LAMA4: variants seen among roughly 807,000 people sequenced by gnomAD.
LAMA4 encodes laminin subunit alpha-4.
Under a neutral mutation model 207.1 loss-of-function variants are expected in LAMA4, and 127 were observed. The observed-to-expected ratio is 0.61, with a 90% CI of 0.53 to 0.71. The LOEUF (loss-of-function observed/expected upper bound fraction) is 0.71. LAMA4 is among the 30% of genes least tolerant of loss of function. LAMA4 has a pLI of 0.00. For synonymous variants in LAMA4, 761 were observed against 816.0 expected (o/e 0.93, Z 1.15); for missense variants, 2,093 against 2,246.5 (o/e 0.93, Z 1.38).
intron 17 of LAMA4, among the ~76,000 whole-genome samples, chr6:112,150,169 C>G (rs1554335426): frequency 6.7e-6 from 1 of 149,414 alleles, no homozygotes; most frequent in East Asian, 2.0e-4. Flanking sequence ...AAAGCCATTA[C>G]CAAACACTAT....
chr6:112,181,059 T>C (rs1377258440), intron 9 of LAMA4, among the ~76,000 whole-genome samples: 1 of 152,198 alleles, frequency 6.6e-6, no homozygotes, highest in Admixed American at 6.5e-5. Context: ...CTTTGCCATT[T>C]CTCACCTCCA....
intron 2 of LAMA4, among the ~76,000 whole-genome samples, chr6:112,228,700 C>T (rs1424312844): frequency 6.6e-6 from 1 of 152,220 alleles, no homozygotes; most frequent in Non-Finnish European, 1.5e-5. Context: ...GAGCTGCCAT[C>T]TTGGGAGTCA....
At chr6:112,188,327 G>A (rs1162474459) in intron 7 of LAMA4, among the ~76,000 whole-genome samples, 2 of 152,178 alleles carry the variant, frequency 1.3e-5, no homozygotes, top group African/African-American at 4.8e-5. Context: ...TTCAGGCTTG[G>A]TGGGGGAGAT....
At chr6:112,151,055 G>A (rs912918762) in intron 16 of LAMA4, among the ~76,000 whole-genome samples, 1 of 150,074 alleles carries the variant, frequency 6.7e-6, no homozygotes, top group Non-Finnish European at 1.5e-5. Context: ...CTAGAAAAAG[G>A]CACCCTTTAT....
At chr6:112,115,717 C>A in intron 36 of LAMA4, 146 bp downstream of exon 36, 1 of 882,200 alleles carries the variant, frequency 1.1e-6, no homozygotes, top group South Asian at 1.4e-5. Flanking sequence ...CCAAATATTG[C>A]CCACATTTAC....
chr6:112,158,697 T>C (rs1780873060), intron 14 of LAMA4, 35 bp downstream of exon 14: 4 of 1,572,348 alleles, frequency 2.5e-6, no homozygotes, highest in African/African-American at 2.7e-5. Flanking sequence ...ATTCACCCCA[T>C]GTAGATATTT....
chr6:112,150,790 TA>T (rs1780353568), intron 16 of LAMA4, among the ~76,000 whole-genome samples, 163 bp from the exon 17 acceptor site: 1 of 152,240 alleles, frequency 6.6e-6, no homozygotes, highest in Non-Finnish European at 1.5e-5. Context: ...AAGTAGCATT[TA>T]AAATTCGAGG....
chr6:112,126,603 A>G (rs782142261), intron 31 of LAMA4, among the ~76,000 whole-genome samples: 2 of 152,238 alleles, frequency 1.3e-5, no homozygotes, highest in Non-Finnish European at 2.9e-5. Flanking sequence ...AGTAGTCCAC[A>G]TATGCTCAAA....
Position 112,217,337 on chromosome 6 carries a change from G to A in LAMA4, c.196-868C>T, listed in dbSNP as rs62413992. On this transcript the variant is annotated intron_variant, in intron 2 of 38. Transcript: ENST00000230538. ...TGGAATGTCTCAGTGATGAAGGGCA[G>A]AAATGGCATTATGGGCCTGGAAATC... is the stretch of plus-strand genomic sequence containing the variant. Among the ~76,000 whole-genome samples the A allele has an allele frequency of 9.2e-3, 1,396 of 152,296 alleles. 13 individuals are homozygous for A. Among genetic ancestry groups the A allele is most frequent in the Middle Eastern group, 0.017 (5 of 294 alleles).
At chr6:112,122,887 G>A (rs1159037069) in intron 31 of LAMA4, among the ~76,000 whole-genome samples, 3 of 152,298 alleles carry the variant, frequency 2.0e-5, no homozygotes, top group Non-Finnish European at 2.9e-5. Flanking sequence ...TCAAGCAAAT[G>A]TTTAGTGACT....
intron 19 of LAMA4, among the ~76,000 whole-genome samples, chr6:112,143,434 G>C (rs539614677): frequency 6.6e-6 from 1 of 151,950 alleles, no homozygotes; most frequent in Admixed American, 6.6e-5. Flanking sequence ...ACAGGTGTGC[G>C]CCACCACGCC....
chr6:112,139,995 G>C (rs1404085852), intron 22 of LAMA4, 110 bp from the exon 23 acceptor site: 4 of 1,081,718 alleles, frequency 3.7e-6, no homozygotes, highest in Non-Finnish European at 5.7e-6. Flanking sequence ...CCCCTTTGTG[G>C]AAATATCTTT....
At chr6:112,187,366 CA>C in intron 8 of LAMA4, 83 bp downstream of exon 8, 9 of 1,508,966 alleles carry the variant, frequency 6.0e-6, no homozygotes, top group Non-Finnish European at 8.3e-6. Context: ...GACTCAGATA[CA>C]AAAAGGGGTA....
At position 112,199,631 on chromosome 6, in the gene LAMA4, C is replaced by T. The variant is rs569727518; in HGVS notation, c.503+1977G>A. On this transcript the variant is annotated intron_variant, in intron 5 of 38. Coordinates refer to ENST00000230538, the MANE Select transcript of LAMA4 (RefSeq NM_001105206.3). Reference sequence around the variant, plus strand: ...TGTGGACCCTAAGCTCGCTTTCCCTCTTATGGCAATAAATAAATAAATTCA... The same window carrying T: ...TGTGGACCCTAAGCTCGCTTTCCCTTTTATGGCAATAAATAAATAAATTCA... Among the ~76,000 whole-genome samples, 68 of 152,238 alleles carry T rather than the reference C, an allele frequency of 4.5e-4. 1 individual carries two copies. In the South Asian group the frequency reaches 0.013, roughly 28 times the overall value.
chr6:112,114,111 T>A lies in LAMA4; in HGVS notation c.5291A>T (p.Asp1764Val), dbSNP rs782561500. The change falls in exon 38 of 39, where the codon GAT (aspartate) becomes GTT (valine). Residue 1764 changes from aspartate (D) to valine (V), a missense_variant. This residue lies in a region of LAMA4 where 383 missense variants were observed against 437.8 expected (regional missense o/e 0.87). Transcript: ENST00000230538. The part of the protein sequence containing the change: ...VVGPLNPKPI[D>V]HREPVFVGGV... ...TCCAACAAACACAGGCTCCCTGTGA[T>A]CAATTGGTTTTGGATTCAGGGGTCC... 6.2e-7 allele frequency: 1 copy of A among 1,613,998 alleles called. No individual in the cohort carries two copies. The highest frequency in any genetic ancestry group is 8.5e-7 in the Non-Finnish European group (1 of 1,179,894).
At chr6:112,140,335 T>C (rs1378526834) in intron 22 of LAMA4, among the ~76,000 whole-genome samples, 3 of 152,188 alleles carry the variant, frequency 2.0e-5, no homozygotes, top group African/African-American at 7.2e-5. Context: ...TCATACTCTC[T>C]CCGAAGTCTC....
chr6:112,164,979 T>C (rs1742648534), intron 13 of LAMA4, among the ~76,000 whole-genome samples, 181 bp downstream of exon 13: 1 of 152,204 alleles, frequency 6.6e-6, no homozygotes, highest in African/African-American at 2.4e-5. Flanking sequence ...GTAATTTAAA[T>C]TTAAGTAGTC....
intron 36 of LAMA4, 80 bp from the exon 37 acceptor site, chr6:112,114,836 G>T: frequency 1.0e-6 from 1 of 990,494 alleles, no homozygotes; most frequent in East Asian, 2.5e-5. Flanking sequence ...ATTTACCACA[G>T]TGAAGCAATA....
intron 10 of LAMA4, among the ~76,000 whole-genome samples, chr6:112,176,460 G>A (rs1554343770): frequency 6.6e-6 from 1 of 152,166 alleles, no homozygotes; most frequent in African/African-American, 2.4e-5. Flanking sequence ...ACCAGGATAA[G>A]GGGTTGTATT....
Sources: gnomAD v4.1 joint callset for allele counts (sites outside exome capture counted in the v4.1 genomes callset) on GRCh38, gnomAD v4.1.1 for gene constraint, gnomAD v4.1.1 regional missense constraint, MANE v1.5 for transcripts, NCBI Gene and HGNC (gene_info 2026-07-23, HGNC 2026-07-21) for gene names.